Variants in PLCB1 observed in about 807,000 individuals in gnomAD.
PLCB1 encodes the protein phospholipase C beta 1, also known as 1-phosphatidylinositol 4,5-bisphosphate phosphodiesterase beta-1.
A neutral mutation model predicts 161.8 loss-of-function variants in PLCB1; 46 were observed. The ratio of observed to expected loss-of-function variants is 0.28; its 90% CI spans 0.22 to 0.36. The LOEUF is 0.36. PLCB1 is among the 10% of genes least tolerant of loss of function. The pLI, the probability that PLCB1 is intolerant of heterozygous loss-of-function variation, is 1.00. For missense variants in PLCB1, 1,016 were observed against 1,472.5 expected, an observed-to-expected ratio of 0.69 and a Z score of 5.07; for synonymous variants, 517 against 503.7, an observed-to-expected ratio of 1.03 and a Z score of -0.35.
chr20:8,543,630 A>AAAAAAAC (rs1555769387), intron 3 of PLCB1, among the ~76,000 whole-genome samples: 3 of 151,318 alleles, frequency 2.0e-5, no homozygotes, highest in African/African-American at 7.3e-5. Flanking sequence ...CAAAAAAAAA[A>AAAAAAAC]AAAAACCTGT....
At chr20:8,719,284 G>T (rs761144934) in intron 14 of PLCB1, among the ~76,000 whole-genome samples, 2 of 152,158 alleles carry the variant, frequency 1.3e-5, no homozygotes, top group Non-Finnish European at 2.9e-5. Flanking sequence ...TGCACTCCCT[G>T]TACCTCGGGA....
At chr20:8,335,287 A>G (rs1258389411) in intron 2 of PLCB1, among the ~76,000 whole-genome samples, 1 of 152,236 alleles carries the variant, frequency 6.6e-6, no homozygotes, top group Admixed American at 6.5e-5. Flanking sequence ...CAGCCAGGGC[A>G]AAGGGTCAAT....
chr20:8,473,754 A>G (rs1982154326), intron 3 of PLCB1, among the ~76,000 whole-genome samples: 1 of 152,224 alleles, frequency 6.6e-6, no homozygotes, highest in Non-Finnish European at 1.5e-5. Context: ...CAGAAGAGTT[A>G]AGGCATGATG....
chr20:8,878,507 A>C (rs1448981958), intron 31 of PLCB1, among the ~76,000 whole-genome samples: 5 of 152,160 alleles, frequency 3.3e-5, no homozygotes, highest in African/African-American at 1.2e-4. Context: ...CAACATGGAG[A>C]GTAGGGCCCT....
chr20:8,353,565 G>A (rs376097791), intron 2 of PLCB1, among the ~76,000 whole-genome samples: 1 of 152,006 alleles, frequency 6.6e-6, no homozygotes, highest in Non-Finnish European at 1.5e-5. Context: ...TTGATAGTAG[G>A]TACCTTTGAC....
chr20:8,884,225 T>G lies in PLCB1; in HGVS notation c.*2376T>G, dbSNP rs1002435429. 11 of 152,634 alleles carry G rather than the reference T, an allele frequency of 7.2e-5. No homozygotes were observed. Among genetic ancestry groups the G allele is most frequent in the African/African-American group, 2.7e-4 (11 of 41,466 alleles). The allele number at this position is 152,634 out of a possible 1,614,324, so 9.5% of individuals were successfully genotyped here. A position where few individuals can be genotyped will look rare whatever the true frequency, so the allele number is the denominator to read the frequency against. ...ACTGTCCATCTTGCATCATTGAAAC[T>G]ACTACAATGATACTATCATTTAATA... On this transcript the variant is annotated 3_prime_UTR_variant, in exon 32 of 32. Coordinates refer to ENST00000338037, the MANE Select transcript of PLCB1 (RefSeq NM_015192.4).
chr20:8,756,712 G>A (rs565687307), intron 23 of PLCB1, among the ~76,000 whole-genome samples: 31 of 152,214 alleles, frequency 2.0e-4, no homozygotes, highest in Non-Finnish European at 3.4e-4. Flanking sequence ...AGAAACAGTG[G>A]AAAAATTTGC....
chr20:8,426,035 A>G (rs371464188), intron 3 of PLCB1, among the ~76,000 whole-genome samples: 168 of 152,340 alleles, frequency 1.1e-3, no homozygotes, highest in African/African-American at 3.9e-3. Context: ...TTTCTGGCAC[A>G]TATGTCAGCA....
At chr20:8,373,158 T>C (rs1400801214) in intron 3 of PLCB1, among the ~76,000 whole-genome samples, 1 of 152,230 alleles carries the variant, frequency 6.6e-6, no homozygotes, top group East Asian at 1.9e-4. Context: ...ACACTTAGAA[T>C]ACTCTGACTT....
At chr20:8,344,495 C>T (rs1182674591) in intron 2 of PLCB1, among the ~76,000 whole-genome samples, 2 of 152,222 alleles carry the variant, frequency 1.3e-5, no homozygotes, top group South Asian at 2.1e-4. Flanking sequence ...ACATCCACAT[C>T]CTTTATTATT....
chr20:8,301,258 T>C (rs1983898312), intron 2 of PLCB1, among the ~76,000 whole-genome samples: 1 of 152,210 alleles, frequency 6.6e-6, no homozygotes. Flanking sequence ...TTGTTAGTAA[T>C]ACTTTCTTAT....
At chr20:8,163,561 G>A (rs1049591707) in intron 2 of PLCB1, among the ~76,000 whole-genome samples, 1 of 152,154 alleles carries the variant, frequency 6.6e-6, no homozygotes, top group African/African-American at 2.4e-5. Flanking sequence ...ACCCATTCAC[G>A]AACAGTTCTT....
At chr20:8,303,294 G>A (rs1298696337) in intron 2 of PLCB1, among the ~76,000 whole-genome samples, 1 of 152,164 alleles carries the variant, frequency 6.6e-6, no homozygotes, top group Non-Finnish European at 1.5e-5. Flanking sequence ...TTGTTGCTGG[G>A]CACAATTTGC....
chr20:8,550,469 G>A (rs1270371389), intron 3 of PLCB1, among the ~76,000 whole-genome samples: 5 of 152,044 alleles, frequency 3.3e-5, no homozygotes, highest in Middle Eastern at 3.4e-3. Flanking sequence ...CCCTTCCCTC[G>A]GCTCTCATTC....
chr20:8,336,797 T>C, intron 2 of PLCB1, among the ~76,000 whole-genome samples: 1 of 152,242 alleles, frequency 6.6e-6, no homozygotes, highest in East Asian at 1.9e-4. Flanking sequence ...GTTGATTATA[T>C]AGGTGTTTCA....
At chr20:8,134,089 T>C (rs957633015) in intron 1 of PLCB1, among the ~76,000 whole-genome samples, 2 of 152,246 alleles carry the variant, frequency 1.3e-5, no homozygotes, top group African/African-American at 2.4e-5. Context: ...GATGTAAACA[T>C]ACATCTTTTT....
At chr20:8,839,323 T>C in intron 31 of PLCB1, among the ~76,000 whole-genome samples, 1 of 152,162 alleles carries the variant, frequency 6.6e-6, no homozygotes, top group East Asian at 1.9e-4. Context: ...CTTCTTTCAA[T>C]TTTTGGAGGC....
intron 11 of PLCB1, among the ~76,000 whole-genome samples, chr20:8,701,023 C>T (rs1360519643): frequency 6.6e-6 from 1 of 152,198 alleles, no homozygotes; most frequent in Non-Finnish European, 1.5e-5. Flanking sequence ...TCTTTGCTCT[C>T]AGGGCTGTGT....
At chr20:8,757,382 T>C (rs1008670364) in intron 24 of PLCB1, among the ~76,000 whole-genome samples, 4 of 152,186 alleles carry the variant, frequency 2.6e-5, no homozygotes, top group African/African-American at 7.2e-5. Flanking sequence ...AGATAACTTA[T>C]GAAACCACAA....
Sources: gnomAD v4.1 joint callset for allele counts (sites outside exome capture counted in the v4.1 genomes callset) on GRCh38, gnomAD v4.1.1 for gene constraint, MANE v1.5 for transcripts, NCBI Gene and HGNC (gene_info 2026-07-23, HGNC 2026-07-21) for gene names.